The following MZF1 variants were observed in gnomAD, a reference collection of about 807,000 sequenced individuals.
The protein encoded by MZF1 is myeloid zinc finger 1.
MZF1 carries 24 observed loss-of-function variants against 28.6 expected under a neutral mutation model. The observed-to-expected ratio is 0.84, with a 90% CI of 0.61 to 1.18. The LOEUF is 1.18. MZF1 is among the 50% of genes most tolerant of loss of function. The probability of loss-of-function intolerance (pLI) is 0.00; values close to 1 mark genes in which losing one functional copy is unlikely to be tolerated. For synonymous variants in MZF1, 516 were observed against 432.5 expected (o/e 1.19, Z -2.40); for missense variants, 1,166 against 1,026.4 (o/e 1.14, Z -1.86).
rs554157420 is a variant in MZF1, at chr19:58,573,118, C to T, written c.-104G>A. 6.5e-6 allele frequency: 1 copy of T among 155,036 alleles called. No individual in the cohort carries two copies. Among genetic ancestry groups the T allele is most frequent in the South Asian group, 1.6e-4 (1 of 6,294 alleles). 9.6% of individuals were successfully genotyped at this position (155,036 alleles called of 1,614,324 possible). On this transcript the variant is annotated 5_prime_UTR_variant, in exon 1 of 6. Coordinates refer to ENST00000215057, the MANE Select transcript of MZF1 (RefSeq NM_198055.2). ...CGCAGTCTTCGACTTCCCCCTCCCG[C>T]TGGACTACGTCTCCCAGGATGCTCC...
intron 5 of MZF1, 122 bp downstream of exon 5, chr19:58,569,155 G>A: frequency 7.5e-7 from 1 of 1,324,978 alleles, no homozygotes. Context: ...ATGATCTAGG[G>A]AATGGGGGAA....
Position 58,571,356 on chromosome 19 carries a change from C to G in MZF1, c.34G>C (p.Ala12Pro). Residue 12 changes from alanine to proline, a missense_variant, in exon 2 of 6, where the codon GCA (alanine) becomes CCA (proline). Physicochemically the swap from Ala to Pro is conservative, Grantham distance 27 (BLOSUM62 -1). Coordinates refer to ENST00000215057, the MANE Select transcript of MZF1 (RefSeq NM_198055.2). Reference protein sequence around the residue: ...RPAVLGSPDRAPPEDEGPVMV... With the variant: ...RPAVLGSPDRPPPEDEGPVMV... The stretch of plus-strand genomic sequence containing the variant: ...ACAGGCCCCTCATCTTCTGGGGGTG[C>G]TCGGTCTGGGGAGCCCAGCACCGCA... 1 of 1,614,174 alleles carries G rather than the reference C, an allele frequency of 6.2e-7. No individual in the cohort carries two copies. Among genetic ancestry groups the G allele is most frequent in the Non-Finnish European group, 8.5e-7 (1 of 1,180,034 alleles).
In MZF1 at chr19:58,569,552, C is replaced by T. The variant is rs1440169613; in HGVS notation, c.615G>A (p.Gln205=). ...FLESGPLAAT[Q]ESVPTLLPEE... is the part of the protein sequence containing the mutation. ...CAGGCAGGAGGGTGGGTACAGACTC[C>T]TGGGTGGCAGCTAGAGGCCCAGACT... The change falls in exon 4 of 6, where the codon CAG becomes CAA. Residue 205 remains glutamine, a synonymous_variant. Coordinates refer to ENST00000215057, the MANE Select transcript of MZF1 (RefSeq NM_198055.2). 1 of 1,608,368 alleles carries T rather than the reference C, an allele frequency of 6.2e-7. No homozygotes were observed. The highest frequency in any genetic ancestry group is 8.5e-7 in the Non-Finnish European group (1 of 1,176,274).
intron 5 of MZF1, 24 bp from the exon 6 acceptor site, chr19:58,563,528 A>G (rs768433601): frequency 1.3e-6 from 2 of 1,492,574 alleles, no homozygotes; most frequent in South Asian, 1.3e-5. Flanking sequence ...GGGACCATTC[A>G]TTCATGACAG....
chr19:58,562,916 T>C lies in MZF1; in HGVS notation c.1361A>G (p.Asn454Ser). The C allele has an allele frequency of 6.3e-7, 1 of 1,591,998 alleles. No homozygotes were observed. Among genetic ancestry groups the C allele is most frequent in the Non-Finnish European group, 8.5e-7 (1 of 1,174,554 alleles). ...ECGQSFRQRS[N>S]LLQHQRIHGD... ...GTGGATGCGCTGGTGCTGCAGCAGA[T>C]TGGAGCGCTGCCGGAAGCTCTGGCC... Residue 454 changes from asparagine to serine, a missense_variant, in exon 6 of 6, where the codon AAT (asparagine) becomes AGT (serine). Physicochemically the swap from Asn to Ser is conservative, Grantham distance 46. Transcript: ENST00000215057.
In MZF1 at chr19:58,562,306, C is replaced by G. The variant is rs146313965; in HGVS notation, c.1971G>C (p.Glu657Asp). Residue 657 changes from glutamate to aspartate, a missense_variant, in exon 6 of 6, where the codon GAG becomes GAC. Transcript: ENST00000215057. ...CGTGCTGCCGAAAGCTCTGGCCGCA[C>G]TCGGGGCAGGCGAAGGGCCGTTCGC... Reference protein sequence around the residue: ...HTGERPFACPECGQSFRQHAN... With the variant: ...HTGERPFACPDCGQSFRQHAN... 1.2e-6 allele frequency: 2 copies of G among 1,609,952 alleles called. No individual in the cohort carries two copies. The highest frequency in any genetic ancestry group is 1.3e-5 in the African/African-American group (1 of 74,736).
At chr19:58,569,440 T>G (rs554070827) in intron 4 of MZF1, 43 bp from the exon 5 acceptor site, 2 of 1,613,846 alleles carry the variant, frequency 1.2e-6, no homozygotes, top group Non-Finnish European at 1.7e-6. Context: ...CTGGCTGGGC[T>G]CAGGGAGGGA....
chr19:58,570,572 G>C (rs1443160046), intron 2 of MZF1, 45 bp from the exon 3 acceptor site: 3 of 1,576,590 alleles, frequency 1.9e-6, no homozygotes, highest in Non-Finnish European at 8.6e-7. Flanking sequence ...AGAGAGTAAG[G>C]CTGGCCGCAA....
In MZF1 at chr19:58,563,080, C is replaced by A; in HGVS notation, c.1197G>T (p.Leu399=). ...CGRSFSRSSH[L]LRHQLTHTEE... ...CGGTGTGCGTAAGCTGGTGGCGCAG[C>A]AGGTGCGAGCTGCGGCTGAAGCTGC... Residue 399 remains leucine (L), a synonymous_variant, in exon 6 of 6, where the codon CTG becomes CTT. Coordinates refer to ENST00000215057, the MANE Select transcript of MZF1 (RefSeq NM_198055.2). The A allele has an allele frequency of 6.2e-7, 1 of 1,604,016 alleles. No homozygotes were observed.
At chr19:58,565,599 C>T (rs1261935034) in intron 5 of MZF1, among the ~76,000 whole-genome samples, 1 of 151,862 alleles carries the variant, frequency 6.6e-6, no homozygotes, top group African/African-American at 2.4e-5. Flanking sequence ...GTGGCGCCAT[C>T]TCAGCTCACT....
At chr19:58,572,723 G>C (rs1386718013) in intron 1 of MZF1, 1 of 913,648 alleles carries the variant, frequency 1.1e-6, no homozygotes, top group Non-Finnish European at 1.5e-6. Context: ...TGAAACCCTG[G>C]GAGAGACTTG....
In MZF1 at chr19:58,562,226, G is replaced by A. The variant is rs762382995; in HGVS notation, c.2051C>T (p.Pro684Leu). 1.2e-6 allele frequency: 2 copies of A among 1,608,782 alleles called. No individual in the cohort carries two copies. Among genetic ancestry groups the A allele is most frequent in the South Asian group, 2.2e-5 (2 of 90,886 alleles). Residue 684 changes from proline (P) to leucine (L), a missense_variant, in exon 6 of 6, where the codon CCT becomes CTT. Physicochemically the swap from Pro to Leu is moderately conservative, Grantham distance 98. Coordinates refer to ENST00000215057, the MANE Select transcript of MZF1 (RefSeq NM_198055.2). Reference protein sequence around the residue: ...IHTGERPYACPECGKAFRQRP... With the variant: ...IHTGERPYACLECGKAFRQRP... The stretch of plus-strand genomic sequence containing the variant: ...CTGGCGGAAGGCCTTGCCACACTCA[G>A]GGCATGCGTAGGGCCGTTCACCCGT...
At chr19:58,570,818 G>T (rs1391292812) in intron 2 of MZF1, 176 bp downstream of exon 2, 1 of 704,124 alleles carries the variant, frequency 1.4e-6, no homozygotes, top group African/African-American at 1.8e-5. Context: ...ATGGGCTGGG[G>T]AGTCTGGCCC....
At chr19:58,570,620 CA>C (rs2054142267) in intron 2 of MZF1, 93 bp from the exon 3 acceptor site, 9 of 1,360,604 alleles carry the variant, frequency 6.6e-6, no homozygotes, top group African/African-American at 1.5e-5. Context: ...TGTAGGATCC[CA>C]GGGGCCTGCC....
intron 1 of MZF1, among the ~76,000 whole-genome samples, chr19:58,572,328 C>G (rs1424924853): frequency 1.3e-5 from 2 of 152,070 alleles, no homozygotes; most frequent in Non-Finnish European, 2.9e-5. Flanking sequence ...TCAGCCCCAT[C>G]TTCTAAGCCC....
chr19:58,566,140 CA>C (rs549151670), intron 5 of MZF1, among the ~76,000 whole-genome samples: 199 of 110,702 alleles, frequency 1.8e-3, no homozygotes, highest in Admixed American at 1.7e-3. Flanking sequence ...GACTCCGTCT[CA>C]AAAAAAAAAA....
In MZF1 at chr19:58,569,262, C is replaced by T. The variant is rs763437163; in HGVS notation, c.772+15G>A. Reference sequence around the variant, plus strand: ...ATGCGGAAGGCCTAGTCCCACCACACCCCATCTCACTTACCTGGGGAGAAG... The same window carrying T: ...ATGCGGAAGGCCTAGTCCCACCACATCCCATCTCACTTACCTGGGGAGAAG... On this transcript the variant is annotated intron_variant, in intron 5 of 5. Transcript: ENST00000215057. 18 of 1,584,088 alleles carry T rather than the reference C, an allele frequency of 1.1e-5. No homozygotes were observed. The highest frequency in any genetic ancestry group is 1.3e-5 in the African/African-American group (1 of 74,226).
intron 5 of MZF1, 75 bp from the exon 6 acceptor site, chr19:58,563,579 C>G (rs1050549086): frequency 3.2e-6 from 4 of 1,256,262 alleles, no homozygotes; most frequent in Middle Eastern, 1.9e-4. Flanking sequence ...CCTGGGGACA[C>G]AGTGTGAACT....
At chr19:58,564,900 GTGTTTTTTTTTTTTTTT>G (rs2054012112) in intron 5 of MZF1, among the ~76,000 whole-genome samples, 1 of 69,354 alleles carries the variant, frequency 1.4e-5, no homozygotes, top group African/African-American at 7.2e-5. Context: ...ATCCATGTGT[GTGTTTTTTTTTTTTTTT>G]TTTTTTTTTT....
Sources: allele counts gnomAD v4.1 joint callset (sites outside exome capture counted in the v4.1 genomes callset), GRCh38; gene constraint gnomAD v4.1.1; transcripts MANE v1.5; gene names NCBI Gene and HGNC (gene_info 2026-07-23, HGNC 2026-07-21).